TLR2: variants seen among roughly 807,000 people sequenced by gnomAD.
TLR2 encodes toll like receptor 2, also known as toll-like receptor 2.
Under a neutral mutation model 9.1 loss-of-function variants are expected in TLR2, and 7 were observed. The observed-to-expected ratio is 0.77, with a 90% CI of 0.44 to 1.44. The LOEUF is 1.44. Ranked by LOEUF, TLR2 falls within the 40% of genes most tolerant of loss-of-function variation. The probability of loss-of-function intolerance (pLI) is 0.01; values close to 1 mark genes in which losing one functional copy is unlikely to be tolerated. For missense variants in TLR2, 812 were observed against 904.6 expected, an observed-to-expected ratio of 0.90 and a Z score of 1.31; for synonymous variants, 317 against 344.6, an observed-to-expected ratio of 0.92 and a Z score of 0.89.
chr4:153,698,634 ATGTT>A (rs1215639840), intron 2 of TLR2, among the ~76,000 whole-genome samples: 1 of 152,166 alleles, frequency 6.6e-6, no homozygotes, highest in East Asian at 1.9e-4. Flanking sequence ...CTTATAATCA[ATGTT>A]TGGTTTGTCA....
intron 2 of TLR2, among the ~76,000 whole-genome samples, chr4:153,693,308 C>T (rs897287861): frequency 3.3e-5 from 5 of 152,178 alleles, no homozygotes; most frequent in Non-Finnish European, 7.3e-5. Context: ...AAAGGAGAAC[C>T]TGTTCCATAT....
At chr4:153,685,318 AAGAG>A (rs917258148) in intron 1 of TLR2, among the ~76,000 whole-genome samples, 2 of 152,158 alleles carry the variant, frequency 1.3e-5, no homozygotes, top group Non-Finnish European at 2.9e-5. Context: ...TCCTGTTTGA[AAGAG>A]AGAGAAAGAG....
At chr4:153,690,318 G>C (rs1736022013) in intron 2 of TLR2, among the ~76,000 whole-genome samples, 1 of 152,218 alleles carries the variant, frequency 6.6e-6, no homozygotes, top group Non-Finnish European at 1.5e-5. Flanking sequence ...CTGTTTCAGG[G>C]AGAGATTCAT....
At chr4:153,710,387 A>G (rs772456608), downstream of TLR2, 16 of 1,558,454 alleles carry the variant, frequency 1.0e-5, no homozygotes, top group African/African-American at 1.4e-5. Context: ...GCCCTAGTGA[A>G]TAGATAATGC....
At position 153,705,067 on chromosome 4, in the gene TLR2, C is replaced by T; in HGVS notation, c.2160C>T (p.Ser720=). The change falls in exon 3 of 3, where the codon TCC becomes TCT. Residue 720 remains serine, a synonymous_variant. Coordinates refer to ENST00000642700, the MANE Select transcript of TLR2 (RefSeq NM_001318789.2). ...GGTGCAAGTATGAACTGGACTTCTC[C>T]CATTTCCGTCTTTTTGATGAGAACA... ...SEWCKYELDF[S]HFRLFDENND... 6.2e-7 allele frequency: 1 copy of T among 1,614,056 alleles called. No individual in the cohort carries two copies. Among genetic ancestry groups the T allele is most frequent in the African/African-American group, 1.3e-5 (1 of 75,004 alleles).
At chr4:153,702,733 C>T in intron 2 of TLR2, 159 bp from the exon 3 acceptor site, 6 of 651,490 alleles carry the variant, frequency 9.2e-6, no homozygotes, top group Non-Finnish European at 1.0e-5. Context: ...TCATTCGTTC[C>T]ATTCATCTGT....
At position 153,704,912 on chromosome 4, in the gene TLR2, C is replaced by T; in HGVS notation, c.2005C>T (p.Pro669Ser). 1 of 1,613,330 alleles carries T rather than the reference C, an allele frequency of 6.2e-7. No homozygotes were observed. Among genetic ancestry groups the T allele is most frequent in the Non-Finnish European group, 8.5e-7 (1 of 1,180,018 alleles). Reference protein sequence around the residue: ...MVQELENFNPPFKLCLHKRDF... With the variant: ...MVQELENFNPSFKLCLHKRDF... ...CCAGGAGCTGGAGAACTTCAATCCC[C>T]CCTTCAAGTTGTGTCTTCATAAGCG... The change falls in exon 3 of 3, where the codon CCC becomes TCC. Residue 669 changes from proline (P) to serine (S), a missense_variant. Physicochemically the swap from Pro to Ser is moderately conservative, Grantham distance 74. Transcript: ENST00000642700.
chr4:153,703,331 A>C lies in TLR2; in HGVS notation c.424A>C (p.Thr142Pro). 6.2e-7 allele frequency: 1 copy of C among 1,613,812 alleles called. No homozygotes were observed. Among genetic ancestry groups the C allele is most frequent in the South Asian group, 1.1e-5 (1 of 90,948 alleles). ...AAATCCTTACAAAACCCTAGGGGAA[A>C]CATCTCTTTTTTCTCATCTCACAAA... is the stretch of plus-strand genomic sequence containing the variant. ...LGNPYKTLGE[T>P]SLFSHLTKLQ... The change falls in exon 3 of 3, where the codon ACA becomes CCA. Residue 142 changes from threonine (T) to proline (P), a missense_variant. Thr to Pro is a conservative substitution (Grantham distance 38). Transcript: ENST00000642700.
intron 2 of TLR2, among the ~76,000 whole-genome samples, chr4:153,698,103 T>C (rs4696483): frequency 0.79 from 120,351 of 152,048 alleles, 48,883 homozygotes; most frequent in East Asian, 1. Context: ...ACAAAAATCG[T>C]AAAGTGTTCT....
At chr4:153,710,359 GTCT>G, downstream of TLR2, 1 of 1,546,810 alleles carries the variant, frequency 6.5e-7, no homozygotes, top group Non-Finnish European at 8.7e-7. Flanking sequence ...TGCTTCTGGG[GTCT>G]GCTGTCCTAT....
chr4:153,684,377 C>G lies in TLR2; in HGVS notation c.-163+17C>G, dbSNP rs576611646. ...TTCTCCCAGGTACGTCGTGCGCTCC[C>G]CACTCGTGTGGTCTCTCTGCACCCC... is the stretch of plus-strand genomic sequence containing the variant. On this transcript the variant is annotated intron_variant, in intron 1 of 2. Transcript: ENST00000642700. The G allele has an allele frequency of 6.6e-6, 1 of 152,414 alleles. No homozygotes were observed. Among genetic ancestry groups the G allele is most frequent in the Non-Finnish European group, 1.5e-5 (1 of 68,076 alleles). 9.4% of individuals were successfully genotyped at this position (152,414 alleles called of 1,614,324 possible).
chr4:153,696,112 C>T (rs1040161686), intron 2 of TLR2, among the ~76,000 whole-genome samples: 2 of 151,986 alleles, frequency 1.3e-5, no homozygotes, highest in Non-Finnish European at 2.9e-5. Context: ...TAATGTGATT[C>T]CTCCAGTTTT....
chr4:153,697,206 T>G (rs1736567187), intron 2 of TLR2, among the ~76,000 whole-genome samples: 1 of 152,084 alleles, frequency 6.6e-6, no homozygotes, highest in Non-Finnish European at 1.5e-5. Context: ...AAATTGAGCA[T>G]GAATATCAAA....
intron 2 of TLR2, among the ~76,000 whole-genome samples, chr4:153,690,902 C>T (rs1170047330): frequency 6.6e-6 from 1 of 152,200 alleles, no homozygotes; most frequent in East Asian, 1.9e-4. Context: ...GTGCATTCTA[C>T]TCCTAAATGC....
chr4:153,704,861 G>A lies in TLR2; in HGVS notation c.1954G>A (p.Ala652Thr). The change falls in exon 3 of 3, where the codon GCC becomes ACC. Residue 652 changes from alanine to threonine, a missense_variant. Ala to Thr is a moderately conservative substitution (Grantham distance 58). Transcript: ENST00000642700. ...DAFVSYSERD[A>T]YWVENLMVQE... The stretch of plus-strand genomic sequence containing the variant: ...ATTTGTTTCTTACAGTGAGCGGGAT[G>A]CCTACTGGGTGGAGAACCTTATGGT... 6.2e-7 allele frequency: 1 copy of A among 1,613,992 alleles called. No individual in the cohort carries two copies. The highest frequency in any genetic ancestry group is 8.5e-7 in the Non-Finnish European group (1 of 1,180,028).
rs1332029729 is a variant in TLR2, at chr4:153,703,773, T to G, written c.866T>G (p.Leu289Arg). ...LLELEFDDCT[L>R]NGVGNFRASD... is the part of the protein sequence containing the mutation. ...GAATTAGAGTTTGATGACTGTACCC[T>G]TAATGGAGTTGGTAATTTTAGAGCA... Residue 289 changes from leucine to arginine, a missense_variant, in exon 3 of 3, where the codon CTT (leucine) becomes CGT (arginine). Leu to Arg is a moderately radical substitution (Grantham distance 102). Transcript: ENST00000642700. 1.9e-6 allele frequency: 3 copies of G among 1,613,828 alleles called. No homozygotes were observed. The East Asian group carries it at 6.7e-5, about 36-fold the overall frequency.
intron 2 of TLR2, among the ~76,000 whole-genome samples, chr4:153,696,099 A>G (rs1736476102): frequency 1.3e-5 from 2 of 152,138 alleles, no homozygotes; most frequent in African/African-American, 4.8e-5. Context: ...ATTTTAAGTC[A>G]GATAATGTGA....
downstream of TLR2, among the ~76,000 whole-genome samples, chr4:153,707,188 G>T (rs2127074926): frequency 1.3e-5 from 2 of 152,276 alleles, no homozygotes; most frequent in Middle Eastern, 3.4e-3. Context: ...GAACAAGCTT[G>T]TCCTTGGGGA....
downstream of TLR2, among the ~76,000 whole-genome samples, chr4:153,707,350 C>A (rs1313179064): frequency 6.6e-6 from 1 of 151,864 alleles, no homozygotes; most frequent in East Asian, 1.9e-4. Flanking sequence ...GAGTTGGAGA[C>A]CAGCCTGGGA....
Sources: gnomAD v4.1 joint callset for allele counts (sites outside exome capture counted in the v4.1 genomes callset) on GRCh38, gnomAD v4.1.1 for gene constraint, MANE v1.5 for transcripts, NCBI Gene and HGNC (gene_info 2026-07-23, HGNC 2026-07-21) for gene names.